Variants in KIF6 observed in about 807,000 individuals in gnomAD.
The protein encoded by KIF6 is kinesin-like protein KIF6.
A neutral mutation model predicts 112.7 loss-of-function variants in KIF6; 106 were observed. The observed-to-expected ratio is 0.94, with a 90% CI of 0.80 to 1.11. The LOEUF (loss-of-function observed/expected upper bound fraction) is 1.11, where lower values mean the gene tolerates loss of function less well. KIF6 is among the 50% of genes least tolerant of loss of function. The probability of loss-of-function intolerance (pLI) is 0.00; values close to 1 mark genes in which losing one functional copy is unlikely to be tolerated. For synonymous variants in KIF6, 339 were observed against 339.9 expected (o/e 1.00, Z 0.03); for missense variants, 929 against 964.0 (o/e 0.96, Z 0.48).
intron 15 of KIF6, among the ~76,000 whole-genome samples, chr6:39,411,375 T>C (rs1769463574): frequency 6.6e-6 from 1 of 152,230 alleles, no homozygotes; most frequent in Non-Finnish European, 1.5e-5. Flanking sequence ...GGGATTCTTG[T>C]CATCACCACA....
At chr6:39,723,804 T>G (rs1561964335) in intron 1 of KIF6, among the ~76,000 whole-genome samples, 1 of 152,212 alleles carries the variant, frequency 6.6e-6, no homozygotes, top group East Asian at 1.9e-4. Context: ...GATGACAGAT[T>G]GGTGGGTGCA....
chr6:39,638,349 A>C (rs2150765541), intron 4 of KIF6, among the ~76,000 whole-genome samples: 1 of 152,276 alleles, frequency 6.6e-6, no homozygotes, highest in African/African-American at 2.4e-5. Context: ...CTGTACCTCC[A>C]GTGATCTTTC....
chr6:39,623,871 C>G (rs1302527809), intron 5 of KIF6, among the ~76,000 whole-genome samples: 1 of 152,176 alleles, frequency 6.6e-6, no homozygotes. Context: ...CTTCACTTCC[C>G]TCACCTAGAC....
intron 10 of KIF6, among the ~76,000 whole-genome samples, chr6:39,570,025 A>G (rs887843111): frequency 1.3e-5 from 2 of 152,352 alleles, no homozygotes; most frequent in South Asian, 2.1e-4. Flanking sequence ...TTGCATTTCA[A>G]TATAAAGCTT....
chr6:39,645,740 C>T (rs1367001834), intron 3 of KIF6, among the ~76,000 whole-genome samples: 3 of 152,020 alleles, frequency 2.0e-5, no homozygotes, highest in Non-Finnish European at 4.4e-5. Flanking sequence ...GGTACCAGCT[C>T]CTGGATTAAG....
intron 22 of KIF6, among the ~76,000 whole-genome samples, chr6:39,341,924 TGACA>T (rs1470903251): frequency 6.6e-6 from 1 of 152,258 alleles, no homozygotes; most frequent in Non-Finnish European, 1.5e-5. Flanking sequence ...ACACTACATG[TGACA>T]GACAAAGTGA....
chr6:39,578,844 C>T (rs1781130278), intron 9 of KIF6, among the ~76,000 whole-genome samples: 1 of 152,136 alleles, frequency 6.6e-6, no homozygotes, highest in Admixed American at 6.5e-5. Flanking sequence ...GTAAATGTTA[C>T]ATTACTGCAT....
intron 16 of KIF6, among the ~76,000 whole-genome samples, chr6:39,376,548 A>G (rs916117685): frequency 2.0e-5 from 3 of 152,224 alleles, no homozygotes; most frequent in Non-Finnish European, 4.4e-5. Context: ...TAAGGCAAAA[A>G]TGTGATGCCT....
At chr6:39,410,080 G>C (rs1016912177) in intron 15 of KIF6, among the ~76,000 whole-genome samples, 3 of 152,204 alleles carry the variant, frequency 2.0e-5, no homozygotes, top group Non-Finnish European at 4.4e-5. Context: ...AGAGAGTGCC[G>C]AGAGGGCCTC....
chr6:39,503,255 G>A lies in KIF6; in HGVS notation c.1645+36748C>T, dbSNP rs151149839. ...CCTGAATAACTCTTGGGTAAATAATGAAATTAAGGCAGAGATCAAGAAGTT... is the reference window on the plus strand; with the variant it reads ...CCTGAATAACTCTTGGGTAAATAATAAAATTAAGGCAGAGATCAAGAAGTT... On this transcript the variant is annotated intron_variant, in intron 13 of 22. Transcript: ENST00000287152. 8.9e-3 allele frequency among the ~76,000 whole-genome samples: 1,349 copies of A among 152,254 alleles called. 21 individuals carry two copies. Among genetic ancestry groups the A allele is most frequent in the African/African-American group, 0.031 (1,289 of 41,552 alleles).
At chr6:39,656,724 C>A (rs1395303901) in intron 3 of KIF6, among the ~76,000 whole-genome samples, 1 of 152,166 alleles carries the variant, frequency 6.6e-6, no homozygotes, top group Non-Finnish European at 1.5e-5. Context: ...CTGCCCCAAC[C>A]AAATTTCTTT....
chr6:39,392,390 G>T (rs1317190887), intron 15 of KIF6, among the ~76,000 whole-genome samples: 1 of 152,182 alleles, frequency 6.6e-6, no homozygotes, highest in Non-Finnish European at 1.5e-5. Context: ...ACATTTCTCT[G>T]CTGGGTCTCA....
rs1763366961 is a variant in KIF6 at position 39,342,372 on chromosome 6, T to C, written c.2428+1337A>G. Among the ~76,000 whole-genome samples the C allele has an allele frequency of 6.6e-6, 1 of 152,232 alleles. No individual in the cohort carries two copies. The highest frequency in any genetic ancestry group is 1.5e-5 in the Non-Finnish European group (1 of 68,040). On this transcript the variant is annotated intron_variant, in intron 22 of 22. Transcript: ENST00000287152. The surrounding 1 kb of genome is among the most constrained non-coding windows in gnomAD (Gnocchi z 4.7). ...TCTTACGTATTTGTCGACGTGTTCA[T>C]TGTCTGTCTCCTTCCTCCCCCTAGA...
intron 13 of KIF6, among the ~76,000 whole-genome samples, chr6:39,539,700 G>A (rs559213638): frequency 3.5e-4 from 54 of 152,188 alleles, no homozygotes; most frequent in Admixed American, 9.8e-4. Flanking sequence ...ATAAATAAAC[G>A]CTGCCTCGTC....
chr6:39,706,816 T>A (rs935527490), intron 3 of KIF6, among the ~76,000 whole-genome samples: 3 of 152,244 alleles, frequency 2.0e-5, no homozygotes, highest in Non-Finnish European at 2.9e-5. Flanking sequence ...GGTGTTTTTG[T>A]GAATTTCAGA....
intron 18 of KIF6, among the ~76,000 whole-genome samples, chr6:39,359,029 TTTG>T (rs1764926567): frequency 6.6e-6 from 1 of 152,250 alleles, no homozygotes; most frequent in Non-Finnish European, 1.5e-5. Context: ...ACTAGTTTTC[TTTG>T]TTATCTCGTG....
chr6:39,703,076 C>CT (rs1455125573), intron 3 of KIF6, among the ~76,000 whole-genome samples: 2 of 29,956 alleles, frequency 6.7e-5, no homozygotes, highest in Admixed American at 5.6e-4. Context: ...AATCCACCAA[C>CT]CCCCCACCCC....
intron 12 of KIF6, 37 bp downstream of exon 12, chr6:39,544,518 G>T (rs755351026): frequency 1.4e-5 from 22 of 1,599,600 alleles, no homozygotes; most frequent in Non-Finnish European, 1.8e-5. Flanking sequence ...TTCAAACCAG[G>T]ATAGAGGAAG....
chr6:39,444,100 G>A (rs902633797), intron 13 of KIF6, among the ~76,000 whole-genome samples: 4 of 152,082 alleles, frequency 2.6e-5, no homozygotes, highest in South Asian at 2.1e-4. Flanking sequence ...TACAATAACC[G>A]AGTCAACTAG....
Sources: allele counts gnomAD v4.1 joint callset (sites outside exome capture counted in the v4.1 genomes callset), GRCh38; gene constraint gnomAD v4.1.1; non-coding constraint Gnocchi (gnomAD v3.1); transcripts MANE v1.5; gene names NCBI Gene and HGNC (gene_info 2026-07-23, HGNC 2026-07-21).